The following LIMK1 variants were observed in gnomAD, a reference collection of about 807,000 sequenced individuals.
LIMK1 encodes LIM domain kinase 1, also known as LIM motif-containing protein kinase.
Under a neutral mutation model 77.6 loss-of-function variants are expected in LIMK1, and 21 were observed. That is an observed-to-expected ratio of 0.27 (90% confidence interval 0.19 to 0.39). The LOEUF is 0.39. Ranked by LOEUF, LIMK1 falls within the 10% of genes least tolerant of loss-of-function variation. LIMK1 has a pLI of 1.00. For synonymous variants in LIMK1, 358 were observed against 370.0 expected, an observed-to-expected ratio of 0.97 and a Z score of 0.37; for missense variants, 696 against 901.6, an observed-to-expected ratio of 0.77 and a Z score of 2.92.
At position 74,092,267 on chromosome 7, in the gene LIMK1, G is replaced by A. The variant is rs140803403; in HGVS notation, c.153-4355G>A. ...AGGCATGAGCCACTGCGCACAGGCA[G>A]CTGTGCATCTTTGAATGTCATAACC... On this transcript the variant is annotated intron_variant, in intron 2 of 15. Coordinates refer to ENST00000336180, the MANE Select transcript of LIMK1 (RefSeq NM_002314.4). 2.0e-4 allele frequency among the ~76,000 whole-genome samples: 31 copies of A among 152,244 alleles called. 1 individual carries two copies. Among genetic ancestry groups the A allele is most frequent in the African/African-American group, 6.3e-4 (26 of 41,550 alleles).
Position 74,105,985 on chromosome 7 carries a change from G to A in LIMK1, c.714+5G>A, listed in dbSNP as rs782773168. 5.6e-6 allele frequency: 9 copies of A among 1,613,680 alleles called. No homozygotes were observed. The highest frequency in any genetic ancestry group is 7.6e-6 in the Non-Finnish European group (9 of 1,179,708). ...CGAAATGTGCCCCTGGACGAGGTAC[G>A]GTCCTGAGTCTGTGGGGCAGGACGG... On this transcript the variant is annotated splice_donor_5th_base_variant and intron_variant, in intron 6 of 15. Coordinates refer to ENST00000336180, the MANE Select transcript of LIMK1 (RefSeq NM_002314.4).
At position 74,106,139 on chromosome 7, in the gene LIMK1, C is replaced by T. The variant is rs114211869; in HGVS notation, c.777C>T (p.His259=). 26 of 1,614,108 alleles carry T rather than the reference C, an allele frequency of 1.6e-5. No homozygotes were observed. Among genetic ancestry groups the T allele is most frequent in the African/African-American group, 1.1e-4 (8 of 75,050 alleles). Residue 259 remains histidine (H), a synonymous_variant, in exon 7 of 16, where the codon CAC becomes CAT. Transcript: ENST00000336180. ...AGCTGACCCTCGAGCATGACCCTCACGATACACTGGGCCACGGGCTGGGGC... is the reference window on the plus strand; with the variant it reads ...AGCTGACCCTCGAGCATGACCCTCATGATACACTGGGCCACGGGCTGGGGC... ...LLQLTLEHDP[H]DTLGHGLGPE...
chr7:74,111,527 G>T, intron 10 of LIMK1, 121 bp from the exon 11 acceptor site: 1 of 743,816 alleles, frequency 1.3e-6, no homozygotes, highest in Non-Finnish European at 2.4e-6. Context: ...AAGAAATCGG[G>T]GTGTTGGGGA....
chr7:74,121,372 G>GAATC lies in LIMK1; in HGVS notation c.*71_*72insAATC. The GAATC allele has an allele frequency of 7.1e-7, 1 of 1,416,290 alleles. No homozygotes were observed. Among genetic ancestry groups the GAATC allele is most frequent in the Non-Finnish European group, 9.4e-7 (1 of 1,063,600 alleles). The allele number at this position is 1,416,290 out of a possible 1,614,324, so 87.7% of individuals were successfully genotyped here. A position where few individuals can be genotyped will look rare whatever the true frequency, so the allele number is the denominator to read the frequency against. On this transcript the variant is annotated 3_prime_UTR_variant, in exon 16 of 16. Coordinates refer to ENST00000336180, the MANE Select transcript of LIMK1 (RefSeq NM_002314.4). ...CCCCCACCAGATTCCTCCGCGGGAG[G>GAATC]TGGCCCTCAGCTGGGACAGTGGGGA...
intron 5 of LIMK1, among the ~76,000 whole-genome samples, chr7:74,102,679 T>G (rs1799491198): frequency 6.6e-6 from 1 of 151,486 alleles, no homozygotes; most frequent in Admixed American, 6.6e-5. Context: ...ATCAATTGTA[T>G]CTTATAGTTC....
At chr7:74,116,039 C>T in intron 13 of LIMK1, 81 bp downstream of exon 13, 1 of 1,449,790 alleles carries the variant, frequency 6.9e-7, no homozygotes, top group East Asian at 2.3e-5. Context: ...TCCCAAGCCC[C>T]TGGCCCCTCC....
intron 4 of LIMK1, 91 bp from the exon 5 acceptor site, chr7:74,098,941 G>A (rs1327921574): frequency 2.0e-6 from 2 of 992,192 alleles, no homozygotes; most frequent in Non-Finnish European, 3.0e-6. Context: ...GGAAGGGATT[G>A]GGGGAAGAGC....
At chr7:74,090,549 A>G (rs1318744217) in intron 2 of LIMK1, among the ~76,000 whole-genome samples, 5 of 152,020 alleles carry the variant, frequency 3.3e-5, no homozygotes, top group Non-Finnish European at 1.5e-5. Flanking sequence ...TGCATGGCTG[A>G]CCACAGCCAG....
intron 2 of LIMK1, among the ~76,000 whole-genome samples, chr7:74,094,989 AG>A (rs1799311960): frequency 6.6e-6 from 1 of 152,070 alleles, no homozygotes; most frequent in Admixed American, 6.5e-5. Flanking sequence ...TCCCAGACAA[AG>A]GGGAAGTGGC....
At chr7:74,095,028 A>T (rs1799312530) in intron 2 of LIMK1, among the ~76,000 whole-genome samples, 1 of 152,172 alleles carries the variant, frequency 6.6e-6, no homozygotes, top group African/African-American at 2.4e-5. Context: ...ACAGTGTCCC[A>T]CCAGCTTACT....
rs782443942 is a variant in LIMK1, at chr7:74,099,254, G to A, written c.608+16G>A. 2 of 1,599,744 alleles carry A rather than the reference G, an allele frequency of 1.3e-6. No homozygotes were observed. Among genetic ancestry groups the A allele is most frequent in the Non-Finnish European group, 1.7e-6 (2 of 1,178,508 alleles). Reference sequence around the variant, plus strand: ...GCGTCCAGGGGTGAGTGGCCGGCCTGCCGAGGCTGCCGTCGGTGTGGCTAT... The same window carrying A: ...GCGTCCAGGGGTGAGTGGCCGGCCTACCGAGGCTGCCGTCGGTGTGGCTAT... On this transcript the variant is annotated intron_variant, in intron 5 of 15. Transcript: ENST00000336180.
Position 74,121,300 on chromosome 7 carries a change from G to A in LIMK1, c.1943G>A (p.Ter648=). 6.3e-7 allele frequency: 1 copy of A among 1,590,566 alleles called. No individual in the cohort carries two copies. The highest frequency in any genetic ancestry group is 8.5e-7 in the Non-Finnish European group (1 of 1,171,232). The change falls in exon 16 of 16, where the codon TGA becomes TAA. Residue 648 remains the stop codon, a stop_retained_variant. Transcript: ENST00000336180. The stretch of plus-strand genomic sequence containing the variant: ...CCTGCCCACCCTGAGGTCCCCGACT[G>A]AGCCAGGGCCACTCAGCTGCCCCTG... ...GLPAHPEVPD[*] is the part of the protein sequence containing the mutation.
At chr7:74,086,862 C>T (rs537889664) in intron 2 of LIMK1, among the ~76,000 whole-genome samples, 1 of 152,286 alleles carries the variant, frequency 6.6e-6, no homozygotes, top group South Asian at 2.1e-4. Flanking sequence ...ACCAGGCCAC[C>T]CTCAGTGTCT....
intron 5 of LIMK1, among the ~76,000 whole-genome samples, chr7:74,099,923 C>G (rs1226232608): frequency 6.8e-6 from 1 of 147,928 alleles, no homozygotes; most frequent in Non-Finnish European, 1.5e-5. Flanking sequence ...AGTTTGAGAC[C>G]AGCTTGGGCA....
chr7:74,092,672 C>G (rs1584108526), intron 2 of LIMK1, among the ~76,000 whole-genome samples: 1 of 152,334 alleles, frequency 6.6e-6, no homozygotes, highest in Middle Eastern at 3.4e-3. Context: ...TGCCGCATCC[C>G]TGGTAGCATC....
Position 74,093,119 on chromosome 7 carries a change from C to T in LIMK1, c.153-3503C>T, listed in dbSNP as rs1296670024. On this transcript the variant is annotated intron_variant, in intron 2 of 15. Coordinates refer to ENST00000336180, the MANE Select transcript of LIMK1 (RefSeq NM_002314.4). Reference sequence around the variant, plus strand: ...CACGCGGCTGCAGCCTCCTCCTGTGCGCTGCAGCCACGCTGGCCCCACCCT... The same window carrying T: ...CACGCGGCTGCAGCCTCCTCCTGTGTGCTGCAGCCACGCTGGCCCCACCCT... 4.9e-5 allele frequency: 70 copies of T among 1,431,838 alleles called. No individual in the cohort carries two copies. The East Asian group carries it at 1.4e-3, about 29-fold the overall frequency. The allele number at this position is 1,431,838 out of a possible 1,614,324, so 88.7% of individuals were successfully genotyped here. A position where few individuals can be genotyped will look rare whatever the true frequency, so the allele number is the denominator to read the frequency against.
At chr7:74,093,263 C>T in intron 2 of LIMK1, 1 of 1,536,008 alleles carries the variant, frequency 6.5e-7, no homozygotes, top group East Asian at 2.4e-5. Context: ...CTGTTGGCTT[C>T]AGCCCCAAGA....
At chr7:74,114,914 C>CAAAA (rs569366868) in intron 12 of LIMK1, among the ~76,000 whole-genome samples, 1 of 69,894 alleles carries the variant, frequency 1.4e-5, no homozygotes. Flanking sequence ...GACTCCAACT[C>CAAAA]AAAAAAAAAA....
Position 74,096,606 on chromosome 7 carries a change from G to C in LIMK1, c.153-16G>C. On this transcript the variant is annotated splice_polypyrimidine_tract_variant and intron_variant, in intron 2 of 15. Transcript: ENST00000336180. ...AGGGCGGGAGTGGACGTCTCAGCCC[G>C]GCCCCTCTCCTGCAGGTGTTGTGAC... is the stretch of plus-strand genomic sequence containing the variant. The C allele has an allele frequency of 6.2e-7, 1 of 1,613,782 alleles. No homozygotes were observed. Among genetic ancestry groups the C allele is most frequent in the Non-Finnish European group, 8.5e-7 (1 of 1,179,978 alleles).
Sources: allele counts gnomAD v4.1 joint callset (sites outside exome capture counted in the v4.1 genomes callset), GRCh38; gene constraint gnomAD v4.1.1; transcripts MANE v1.5; gene names NCBI Gene and HGNC (gene_info 2026-07-23, HGNC 2026-07-21).